Variants in DDRGK1 observed in about 807,000 individuals in gnomAD.
DDRGK1 encodes DDRGK domain-containing protein 1.
In DDRGK1, 38 loss-of-function variants were observed where a neutral mutation model predicts 45.8. The ratio of observed to expected loss-of-function variants is 0.83; its 90% CI spans 0.64 to 1.09. The LOEUF (loss-of-function observed/expected upper bound fraction) is 1.09. DDRGK1 is among the 50% of genes least tolerant of loss of function. The pLI, the probability that DDRGK1 is intolerant of heterozygous loss-of-function variation, is 0.00. For synonymous variants in DDRGK1, 171 were observed against 168.7 expected (o/e 1.01, Z -0.11); for missense variants, 403 against 419.9 (o/e 0.96, Z 0.35).
At chr20:3,192,532 C>A (rs1024085980) in intron 6 of DDRGK1, among the ~76,000 whole-genome samples, 3 of 152,336 alleles carry the variant, frequency 2.0e-5, no homozygotes, top group Middle Eastern at 3.4e-3. Flanking sequence ...CACTTTTTAT[C>A]CATCCTCTTT....
chr20:3,190,946 T>TG, intron 8 of DDRGK1, 127 bp from the exon 9 acceptor site: 1 of 1,384,712 alleles, frequency 7.2e-7, no homozygotes, highest in South Asian at 1.4e-5. Flanking sequence ...TGGACTTTCC[T>TG]GGCTGCATCC....
In DDRGK1 at chr20:3,203,260, A is replaced by T; in HGVS notation, c.248T>A (p.Val83Glu). ...RLQAQRRAQR[V>E]AWAEADENEE... is the part of the protein sequence containing the mutation. ...GTTCTCATCTGCTTCTGCCCAGGCC[A>T]CCCGCTGGGCTCGACGCTGGGCCTG... Residue 83 changes from valine to glutamate, a missense_variant, in exon 2 of 9, where the codon GTG (valine) becomes GAG (glutamate). Val to Glu is a moderately radical substitution (Grantham distance 121). Transcript: ENST00000354488. 1 of 1,604,558 alleles carries T rather than the reference A, an allele frequency of 6.2e-7. No homozygotes were observed.
intron 4 of DDRGK1, 126 bp downstream of exon 4, chr20:3,199,874 AC>A: frequency 1.2e-6 from 1 of 831,002 alleles, no homozygotes; most frequent in Non-Finnish European, 1.8e-6. Flanking sequence ...GACCAAATAA[AC>A]CAGGACCTGC....
rs1275040133 is a variant in DDRGK1, at chr20:3,204,628, G to A, written c.-1C>T. On this transcript the variant is annotated 5_prime_UTR_variant, in exon 1 of 9. Transcript: ENST00000354488. ...CCAAGTACCACACAGGCGCCACCAT[G>A]ACGAGGGCCTCAGTGCAGAACCACT... 4 of 1,581,554 alleles carry A rather than the reference G, an allele frequency of 2.5e-6. No individual in the cohort carries two copies. The highest frequency in any genetic ancestry group is 2.3e-5 in the South Asian group (2 of 87,412).
At chr20:3,202,733 G>A (rs1450173359) in intron 2 of DDRGK1, among the ~76,000 whole-genome samples, 1 of 152,180 alleles carries the variant, frequency 6.6e-6, no homozygotes, top group Non-Finnish European at 1.5e-5. Context: ...CAGCTGCCAA[G>A]TACTGGAGAA....
chr20:3,190,390 T>C lies in DDRGK1; in HGVS notation c.*263A>G, dbSNP rs1469378189. The C allele has an allele frequency of 1.9e-5, 9 of 463,852 alleles. No homozygotes were observed. Among genetic ancestry groups the C allele is most frequent in the South Asian group, 4.2e-5 (1 of 23,990 alleles). 28.7% of individuals were successfully genotyped at this position (463,852 alleles called of 1,614,324 possible). A position where few individuals can be genotyped will look rare whatever the true frequency, so the allele number is the denominator to read the frequency against. On this transcript the variant is annotated 3_prime_UTR_variant, in exon 9 of 9. Transcript: ENST00000354488. ...CTATTTTCTTGAATGAATGGATTCA[T>C]AATAAGAACAGGACTTCACCAGCTT...
In DDRGK1 at chr20:3,190,870, C is replaced by T. The variant is rs1287840857; in HGVS notation, c.779-51G>A. On this transcript the variant is annotated intron_variant, in intron 8 of 8. Transcript: ENST00000354488. ...CTGAGGCCTCCTGGGCGTTCCCCATCTGGCCTGAGAATGCCCACCTACTCC... is the reference window on the plus strand; with the variant it reads ...CTGAGGCCTCCTGGGCGTTCCCCATTTGGCCTGAGAATGCCCACCTACTCC... The T allele has an allele frequency of 1.9e-6, 3 of 1,559,394 alleles. No homozygotes were observed. The East Asian group carries it at 7.0e-5, about 36-fold the overall frequency.
chr20:3,203,323 C>A lies in DDRGK1; in HGVS notation c.185G>T (p.Gly62Val). The A allele has an allele frequency of 6.2e-7, 1 of 1,609,044 alleles. No homozygotes were observed. Among genetic ancestry groups the A allele is most frequent in the East Asian group, 2.2e-5 (1 of 44,734 alleles). Residue 62 changes from glycine (G) to valine (V), a missense_variant, in exon 2 of 9, where the codon GGC becomes GTC. By Grantham distance (109) the Gly-to-Val change is moderately radical. Transcript: ENST00000354488. Reference protein sequence around the residue: ...PLEPEEPRAGGRPRRRRDLGS... With the variant: ...PLEPEEPRAGVRPRRRRDLGS... ...CAGGTCCCTCCGGCGCCGAGGCCTGCCTCCAGCTCTCGGCTCCTCAGGCTC... is the reference window on the plus strand; with the variant it reads ...CAGGTCCCTCCGGCGCCGAGGCCTGACTCCAGCTCTCGGCTCCTCAGGCTC...
Position 3,190,552 on chromosome 20 carries a change from T to C in DDRGK1, c.*101A>G. ...TACTCACAGGCCTTTAATCTATAAC[T>C]GCCTGGCCACACCATCACTTCCCCA... On this transcript the variant is annotated 3_prime_UTR_variant, in exon 9 of 9. Transcript: ENST00000354488. The C allele has an allele frequency of 6.9e-7, 1 of 1,451,774 alleles. No homozygotes were observed. 89.9% of individuals were successfully genotyped at this position (1,451,774 alleles called of 1,614,324 possible).
In DDRGK1 at chr20:3,196,155, C is replaced by A. The variant is rs370136600; in HGVS notation, c.511-802G>T. On this transcript the variant is annotated intron_variant, in intron 4 of 8. Transcript: ENST00000354488. ...CACAGCTACTGGGCCATCTCACAGG[C>A]AGCAGACAGACCCTGGGACCTACTC... is the stretch of plus-strand genomic sequence containing the variant. 5.3e-5 allele frequency among the ~76,000 whole-genome samples: 8 copies of A among 152,348 alleles called. No individual in the cohort carries two copies. In the East Asian group the frequency reaches 9.6e-4, roughly 18 times the overall value.
intron 2 of DDRGK1, among the ~76,000 whole-genome samples, chr20:3,201,645 G>T (rs1056951068): frequency 7.2e-5 from 11 of 151,766 alleles, no homozygotes; most frequent in Non-Finnish European, 1.2e-4. Context: ...CATTAGGAGA[G>T]AGGGTTGTTT....
intron 7 of DDRGK1, chr20:3,191,562 T>G (rs1468091588): frequency 5.0e-5 from 39 of 772,968 alleles, no homozygotes; most frequent in Non-Finnish European, 8.2e-5. Flanking sequence ...GTGATGGGGT[T>G]TGGGTTTTTT....
At chr20:3,196,502 C>T (rs1450536257) in intron 4 of DDRGK1, among the ~76,000 whole-genome samples, 2 of 122,670 alleles carry the variant, frequency 1.6e-5, no homozygotes, top group African/African-American at 3.1e-5. Flanking sequence ...ACGGTGAAAC[C>T]CTGTCTCCAC....
chr20:3,204,071 CT>C (rs909957682), intron 1 of DDRGK1, among the ~76,000 whole-genome samples: 2 of 152,208 alleles, frequency 1.3e-5, no homozygotes, highest in Non-Finnish European at 2.9e-5. Flanking sequence ...AGGGAGAGAG[CT>C]TCAGGAATTT....
chr20:3,193,557 G>A (rs964964691), intron 6 of DDRGK1, among the ~76,000 whole-genome samples: 1 of 152,132 alleles, frequency 6.6e-6, no homozygotes, highest in Non-Finnish European at 1.5e-5. Flanking sequence ...TTTTAGCAGA[G>A]ATGGGGTTTC....
rs369946646 is a variant in DDRGK1, at chr20:3,200,142, G to A, written c.409-40C>T. Reference sequence around the variant, plus strand: ...TCATAGGGGCACATCCCTCACCCCCGGCTAGAGTGTGCCCACCGCCCAGAC... The same window carrying A: ...TCATAGGGGCACATCCCTCACCCCCAGCTAGAGTGTGCCCACCGCCCAGAC... On this transcript the variant is annotated intron_variant, in intron 3 of 8. Transcript: ENST00000354488. The A allele has an allele frequency of 3.0e-5, 46 of 1,535,822 alleles. No homozygotes were observed. In the Admixed American group the frequency reaches 4.6e-4, roughly 15 times the overall value.
chr20:3,201,566 G>A (rs1156457557), intron 2 of DDRGK1, among the ~76,000 whole-genome samples: 3 of 152,000 alleles, frequency 2.0e-5, no homozygotes, highest in Non-Finnish European at 4.4e-5. Context: ...GTGTCTCGGG[G>A]TCACAGATAG....
chr20:3,190,815 C>T lies in DDRGK1; in HGVS notation c.783G>A (p.Val261=). 6.2e-7 allele frequency: 1 copy of T among 1,611,196 alleles called. No homozygotes were observed. The highest frequency in any genetic ancestry group is 8.5e-7 in the Non-Finnish European group (1 of 1,178,850). ...DLLAEGTITG[V]IDDRGKFIYI... is the part of the protein sequence containing the mutation. Reference sequence around the variant, plus strand: ...AGATGAACTTGCCCCGGTCGTCAATCACACCTGTGGGGACATGCAGGTTGT... The same window carrying T: ...AGATGAACTTGCCCCGGTCGTCAATTACACCTGTGGGGACATGCAGGTTGT... The change falls in exon 9 of 9, where the codon GTG becomes GTA. Residue 261 remains valine (V), a synonymous_variant. Transcript: ENST00000354488.
In DDRGK1 at chr20:3,190,799, T is replaced by C. The variant is rs920944740; in HGVS notation, c.799A>G (p.Lys267Glu). 8 of 1,613,076 alleles carry C rather than the reference T, an allele frequency of 5.0e-6. No homozygotes were observed. Among genetic ancestry groups the C allele is most frequent in the Non-Finnish European group, 5.1e-6 (6 of 1,179,670 alleles). ...TITGVIDDRG[K>E]FIYITPEELA... is the part of the protein sequence containing the mutation. ...TCCTCTGGGGTTATGTAGATGAACT[T>C]GCCCCGGTCGTCAATCACACCTGTG... Residue 267 changes from lysine (K) to glutamate (E), a missense_variant, in exon 9 of 9, where the codon AAG (lysine) becomes GAG (glutamate). Coordinates refer to ENST00000354488, the MANE Select transcript of DDRGK1 (RefSeq NM_023935.3).
Sources: gnomAD v4.1 joint callset for allele counts (sites outside exome capture counted in the v4.1 genomes callset) on GRCh38, gnomAD v4.1.1 for gene constraint, MANE v1.5 for transcripts, NCBI Gene and HGNC (gene_info 2026-07-23, HGNC 2026-07-21) for gene names.